Variants in RACGAP1 observed in about 807,000 individuals in gnomAD.
RACGAP1 encodes rac GTPase-activating protein 1.
A neutral mutation model predicts 78.1 loss-of-function variants in RACGAP1; 30 were observed. That is an observed-to-expected ratio of 0.38 (90% CI 0.29 to 0.52). The LOEUF (loss-of-function observed/expected upper bound fraction) is 0.52. Ranked by LOEUF, RACGAP1 falls within the 20% of genes least tolerant of loss-of-function variation. RACGAP1 has a pLI of 0.82. For synonymous variants in RACGAP1, 231 were observed against 264.8 expected, an observed-to-expected ratio of 0.87 and a Z score of 1.24; for missense variants, 587 against 777.1, an observed-to-expected ratio of 0.76 and a Z score of 2.91.
upstream of RACGAP1, among the ~76,000 whole-genome samples, chr12:50,026,728 C>T (rs1055373557): frequency 1.3e-5 from 2 of 152,188 alleles, no homozygotes; most frequent in Non-Finnish European, 2.9e-5. Flanking sequence ...TACTCTGTCA[C>T]GCAGGCTGGA....
intron 1 of RACGAP1, among the ~76,000 whole-genome samples, chr12:50,024,126 A>T (rs1026254775): frequency 6.6e-5 from 10 of 152,072 alleles, no homozygotes; most frequent in Admixed American, 1.3e-4. Context: ...GCGCCACTGC[A>T]CTCCAGCCTG....
rs191296614 is a variant in RACGAP1, at chr12:50,030,832, T to G, written c.-24+865A>C. 5.3e-5 allele frequency among the ~76,000 whole-genome samples: 8 copies of G among 151,876 alleles called. No individual in the cohort carries two copies. In the East Asian group the frequency reaches 1.4e-3, roughly 26 times the overall value. On this transcript the variant is annotated intron_variant, in intron 2 of 3. Transcript: ENST00000548247. ...TTTTGCTCTTTCACCCAGGCTGGAG[T>G]GCAATGGCGTGATCTCGGCCCACTG...
At chr12:50,031,336 G>A (rs775555053) in intron 2 of RACGAP1, among the ~76,000 whole-genome samples, 13 of 151,146 alleles carry the variant, frequency 8.6e-5, no homozygotes, top group Middle Eastern at 3.2e-3. Flanking sequence ...AAAATTAGCC[G>A]GCCATTGTGG....
intron 10 of RACGAP1, among the ~76,000 whole-genome samples, chr12:49,995,071 A>G (rs1948161267): frequency 6.6e-6 from 1 of 152,184 alleles, no homozygotes; most frequent in African/African-American, 2.4e-5. Context: ...ACAGGCGGCC[A>G]GGTGCGGTAG....
chr12:50,025,649 A>G (rs1950248741), upstream of RACGAP1: 1 of 723,742 alleles, frequency 1.4e-6, no homozygotes, highest in South Asian at 6.3e-5. Context: ...ACTAATGTCA[A>G]CGGTTTTTCG....
upstream of RACGAP1, among the ~76,000 whole-genome samples, chr12:50,027,452 T>C (rs1464847087): frequency 6.6e-6 from 1 of 152,026 alleles, no homozygotes; most frequent in Non-Finnish European, 1.5e-5. Context: ...TGAATAGGAA[T>C]TTACAGGAGA....
chr12:50,005,471 C>A, intron 3 of RACGAP1, 79 bp from the exon 4 acceptor site: 2 of 1,533,680 alleles, frequency 1.3e-6, no homozygotes, highest in Admixed American at 3.7e-5. Context: ...ACAGGCAGAC[C>A]AGAAGACATT....
In RACGAP1 at chr12:49,990,152, G is replaced by A; in HGVS notation, c.*116C>T. ...AACCCTCATGCACAATTAAACTTGA[G>A]TAAAAGCCTGGAGAATGCTAAAAGT... On this transcript the variant is annotated 3_prime_UTR_variant, in exon 17 of 17. Coordinates refer to ENST00000312377, the MANE Select transcript of RACGAP1 (RefSeq NM_001319999.2). The A allele has an allele frequency of 2.4e-6, 2 of 828,382 alleles. No homozygotes were observed. Among genetic ancestry groups the A allele is most frequent in the Non-Finnish European group, 3.9e-6 (2 of 515,806 alleles). The allele number at this position is 828,382 out of a possible 1,614,324, so 51.3% of individuals were successfully genotyped here.
In RACGAP1 at chr12:49,997,178, T is replaced by C; in HGVS notation, c.906A>G (p.Pro302=). 6.2e-7 allele frequency: 1 copy of C among 1,605,852 alleles called. No individual in the cohort carries two copies. Among genetic ancestry groups the C allele is most frequent in the Non-Finnish European group, 8.5e-7 (1 of 1,174,032 alleles). ...KTVIKPESCV[P]CGKRIKFGKL... Reference sequence around the variant, plus strand: ...TGCCAAATTTTATCCGCTTTCCACATGGAACACAGGATTCAGGTTTAATAA... The same window carrying C: ...TGCCAAATTTTATCCGCTTTCCACACGGAACACAGGATTCAGGTTTAATAA... Residue 302 remains proline (P), a synonymous_variant, in exon 10 of 17, where the codon CCA becomes CCG. Coordinates refer to ENST00000312377, the MANE Select transcript of RACGAP1 (RefSeq NM_001319999.2).
chr12:50,004,339 T>C, intron 4 of RACGAP1, 35 bp from the exon 5 acceptor site: 3 of 1,561,726 alleles, frequency 1.9e-6, no homozygotes, highest in Non-Finnish European at 2.6e-6. Flanking sequence ...TTAGACATGG[T>C]AGACTGTGGA....
At position 49,990,317 on chromosome 12, in the gene RACGAP1, G is replaced by C. The variant is rs546861890; in HGVS notation, c.1850C>G (p.Thr617Ser). Residue 617 changes from threonine (T) to serine (S), a missense_variant, in exon 17 of 17, where the codon ACT (threonine) becomes AGT (serine). Thr to Ser is a moderately conservative substitution (Grantham distance 58). Transcript: ENST00000312377. ...PRFGSKSKSA[T>S]NLGRQGNFFA... ...AAAGTTGCCTTGTCGTCCTAGGTTA[G>C]TGGCAGACTTGCTTTTGCTCCCAAA... 26 of 1,613,862 alleles carry C rather than the reference G, an allele frequency of 1.6e-5. No homozygotes were observed. The highest frequency in any genetic ancestry group is 2.2e-5 in the East Asian group (1 of 44,878).
In RACGAP1 at chr12:49,992,437, T is replaced by C. The variant is rs910441159; in HGVS notation, c.1446-60A>G. 4.4e-6 allele frequency: 7 copies of C among 1,590,094 alleles called. No homozygotes were observed. The Admixed American group carries it at 1.0e-4, about 24-fold the overall frequency. On this transcript the variant is annotated intron_variant, in intron 13 of 16. Transcript: ENST00000312377. ...CCTTGCTTAAATGCAGACCAAAATA[T>C]AAATTCTATAAGAAAACAATTCATC...
upstream of RACGAP1, among the ~76,000 whole-genome samples, chr12:50,033,341 TG>T (rs1950352234): frequency 1.3e-5 from 1 of 79,672 alleles, no homozygotes. Context: ...GGCTGTGTTC[TG>T]GGGGTCCAGG....
chr12:50,027,096 A>G (rs903417709), upstream of RACGAP1, among the ~76,000 whole-genome samples: 2 of 152,238 alleles, frequency 1.3e-5, no homozygotes, highest in African/African-American at 2.4e-5. Context: ...TCACAGGTTT[A>G]TTCCCAGATC....
In RACGAP1 at chr12:49,994,406, ACT is replaced by A. The variant is rs1354480055; in HGVS notation, c.1140+6_1140+7del. On this transcript the variant is annotated splice_donor_region_variant and intron_variant, in intron 11 of 16. Coordinates refer to ENST00000312377, the MANE Select transcript of RACGAP1 (RefSeq NM_001319999.2). Reference sequence around the variant, plus strand: ...ACAAATTCACCATCTCCTACAGTTGACTCTTACCTCAGTCAGACCTCTTTGCT... The same window carrying A: ...ACAAATTCACCATCTCCTACAGTTGACTTACCTCAGTCAGACCTCTTTGCT... The A allele has an allele frequency of 1.2e-6, 2 of 1,613,328 alleles. No homozygotes were observed.
intron 9 of RACGAP1, among the ~76,000 whole-genome samples, chr12:49,998,057 T>C (rs1384646428): frequency 1.3e-5 from 2 of 152,200 alleles, no homozygotes; most frequent in Admixed American, 1.3e-4. Context: ...GTCATCCCAC[T>C]GGAAGGCAGC....
At chr12:50,006,062 C>T (rs1948956295) in intron 3 of RACGAP1, among the ~76,000 whole-genome samples, 1 of 152,172 alleles carries the variant, frequency 6.6e-6, no homozygotes, top group Non-Finnish European at 1.5e-5. Flanking sequence ...ACCAGCTACT[C>T]ATGTAAGGAT....
chr12:50,028,547 T>C (rs1241200932), upstream of RACGAP1, among the ~76,000 whole-genome samples: 1 of 152,112 alleles, frequency 6.6e-6, no homozygotes, highest in Non-Finnish European at 1.5e-5. Flanking sequence ...GGCCTGTGGA[T>C]CTCTTGAGAT....
intron 2 of RACGAP1, among the ~76,000 whole-genome samples, chr12:50,011,731 G>C (rs1949344055): frequency 6.6e-6 from 1 of 152,070 alleles, no homozygotes; most frequent in Non-Finnish European, 1.5e-5. Flanking sequence ...CGAGGCAGGA[G>C]GATCATGAGG....
Sources: gnomAD v4.1 joint callset for allele counts (sites outside exome capture counted in the v4.1 genomes callset) on GRCh38, gnomAD v4.1.1 for gene constraint, MANE v1.5 for transcripts, NCBI Gene and HGNC (gene_info 2026-07-23, HGNC 2026-07-21) for gene names.